Variants in ZBTB11 observed in about 807,000 individuals in gnomAD.
ZBTB11 encodes zinc finger and BTB domain-containing protein 11.
Under a neutral mutation model 113.1 loss-of-function variants are expected in ZBTB11, and 68 were observed. The observed-to-expected ratio is 0.60, with a 90% CI of 0.49 to 0.74. The LOEUF (loss-of-function observed/expected upper bound fraction) is 0.74, where lower values mean the gene tolerates loss of function less well. Ranked by LOEUF, ZBTB11 falls within the 30% of genes least tolerant of loss-of-function variation. The pLI, the probability that ZBTB11 is intolerant of heterozygous loss-of-function variation, is 0.00. For missense variants in ZBTB11, 1,104 were observed against 1,279.4 expected, an observed-to-expected ratio of 0.86 and a Z score of 2.09; for synonymous variants, 518 against 452.6, an observed-to-expected ratio of 1.14 and a Z score of -1.83.
chr3:101,654,801 A>G lies in ZBTB11; in HGVS notation c.2212T>C (p.Ser738Pro). ...CTATGAAAAGACTTTCCACAAACTG[A>G]GCAAAGGTACTTGGACTCTCCTATT... ...IHTGESKYLC[S>P]VCGKSFHRGS... Residue 738 changes from serine (S) to proline (P), a missense_variant, in exon 8 of 11, where the codon TCA becomes CCA. By Grantham distance (74) the Ser-to-Pro change is moderately conservative. Coordinates refer to ENST00000312938, the MANE Select transcript of ZBTB11 (RefSeq NM_014415.4). 6.2e-7 allele frequency: 1 copy of G among 1,614,136 alleles called. No individual in the cohort carries two copies. The highest frequency in any genetic ancestry group is 8.5e-7 in the Non-Finnish European group (1 of 1,180,008).
At chr3:101,659,028 CAGG>C (rs377016353) in intron 6 of ZBTB11, among the ~76,000 whole-genome samples, 48 of 152,234 alleles carry the variant, frequency 3.2e-4, no homozygotes, top group African/African-American at 1.1e-3. Context: ...TACTTGAGCC[CAGG>C]AGTTTGAGGC....
chr3:101,674,372 CTT>C (rs368815296), intron 1 of ZBTB11, among the ~76,000 whole-genome samples: 303 of 152,042 alleles, frequency 2.0e-3, no homozygotes, highest in African/African-American at 7.1e-3. Flanking sequence ...TTAAATATAA[CTT>C]TATCAAAAAA....
rs765688470 is a variant in ZBTB11, at chr3:101,665,263, A to T, written c.1324T>A (p.Ser442Thr). 1 of 1,614,172 alleles carries T rather than the reference A, an allele frequency of 6.2e-7. No homozygotes were observed. Among genetic ancestry groups the T allele is most frequent in the Non-Finnish European group, 8.5e-7 (1 of 1,180,034 alleles). ...GAGCTACTAATTACATTCTCTTTTG[A>T]AAGTTTAGGGTGTATATTAGAAACT... is the stretch of plus-strand genomic sequence containing the variant. The part of the protein sequence containing the change: ...NTVSNIHPKL[S>T]KENVISSSPE... The change falls in exon 4 of 11, where the codon TCA becomes ACA. Residue 442 changes from serine to threonine, a missense_variant. By Grantham distance (58) the Ser-to-Thr change is moderately conservative (BLOSUM62 1). Transcript: ENST00000312938.
At chr3:101,659,221 A>AT (rs1936847536) in intron 6 of ZBTB11, among the ~76,000 whole-genome samples, 1 of 152,178 alleles carries the variant, frequency 6.6e-6, no homozygotes, top group South Asian at 2.1e-4. Flanking sequence ...AGCCTGAGAG[A>AT]TAGAACAAGA....
chr3:101,670,419 T>C (rs1328395229), intron 3 of ZBTB11, among the ~76,000 whole-genome samples: 1 of 152,230 alleles, frequency 6.6e-6, no homozygotes, highest in Non-Finnish European at 1.5e-5. Flanking sequence ...ATATAAATTC[T>C]AGTGAAGCCA....
At chr3:101,673,742 T>C (rs1379229197) in intron 1 of ZBTB11, among the ~76,000 whole-genome samples, 2 of 152,212 alleles carry the variant, frequency 1.3e-5, no homozygotes, top group Admixed American at 6.5e-5. Context: ...CTCAAACTCC[T>C]GACCTCAAGT....
chr3:101,662,080 T>A (rs1471444724), intron 5 of ZBTB11: 1 of 151,942 alleles, frequency 6.6e-6, no homozygotes, highest in Non-Finnish European at 1.5e-5. Flanking sequence ...TCAAGTGCAG[T>A]AGTGAGAAGG....
intron 5 of ZBTB11, among the ~76,000 whole-genome samples, chr3:101,663,318 T>C (rs1936925375): frequency 6.6e-6 from 1 of 152,170 alleles, no homozygotes; most frequent in African/African-American, 2.4e-5. Context: ...GCAATCTGCC[T>C]GCCTTGGCAT....
chr3:101,667,208 T>C (rs913051862), intron 3 of ZBTB11, among the ~76,000 whole-genome samples: 4 of 152,152 alleles, frequency 2.6e-5, no homozygotes, highest in Non-Finnish European at 5.9e-5. Context: ...CACCTGGTTA[T>C]TTTTATATTT....
At chr3:101,674,682 G>A (rs951396164) in intron 1 of ZBTB11, among the ~76,000 whole-genome samples, 2 of 151,148 alleles carry the variant, frequency 1.3e-5, no homozygotes, top group South Asian at 2.1e-4. Context: ...CTGGGCAACA[G>A]AGTGACTCTG....
chr3:101,658,227 A>ATTT (rs200382292), intron 6 of ZBTB11, among the ~76,000 whole-genome samples: 1 of 143,402 alleles, frequency 7.0e-6, no homozygotes. Flanking sequence ...TTAAAAATTA[A>ATTT]TTTTTTTTTT....
intron 1 of ZBTB11, among the ~76,000 whole-genome samples, chr3:101,673,777 A>C (rs1231322640): frequency 1.3e-5 from 2 of 152,196 alleles, no homozygotes; most frequent in African/African-American, 4.8e-5. Context: ...GGCCTCCCAA[A>C]GTGCTGGGAT....
At chr3:101,666,130 GGA>G (rs1936992373) in intron 3 of ZBTB11, among the ~76,000 whole-genome samples, 1 of 152,068 alleles carries the variant, frequency 6.6e-6, no homozygotes, top group African/African-American at 2.4e-5. Flanking sequence ...GCTGGAGGAT[GGA>G]GGGTTAAAAA....
In ZBTB11 at chr3:101,659,789, T is replaced by C. The variant is rs371767216; in HGVS notation, c.2040A>G (p.Ala680=). The change falls in exon 6 of 11, where the codon GCA becomes GCG. Residue 680 remains alanine, a synonymous_variant. Coordinates refer to ENST00000312938, the MANE Select transcript of ZBTB11 (RefSeq NM_014415.4). ...MLKHTGVKPH[A]CQVCGKTFIY... ...ATAAACGTTATAGCTTTACCTGGCA[T>C]GCATGTGGCTTTACACCTGTGTGCT... 3.3e-5 allele frequency: 53 copies of C among 1,613,900 alleles called. No homozygotes were observed. Among genetic ancestry groups the C allele is most frequent in the Non-Finnish European group, 4.2e-5 (50 of 1,179,852 alleles).
chr3:101,676,907 C>T lies in ZBTB11; in HGVS notation c.8G>A (p.Ser3Asn), dbSNP rs755383963. The T allele has an allele frequency of 1.8e-5, 28 of 1,568,082 alleles. No homozygotes were observed. Among genetic ancestry groups the T allele is most frequent in the Non-Finnish European group, 2.4e-5 (28 of 1,152,408 alleles). The change falls in exon 1 of 11, where the codon AGC becomes AAC. Residue 3 changes from serine to asparagine, a missense_variant. This residue lies in a region of ZBTB11 where 245 missense variants were observed against 272.5 expected (regional missense o/e 0.90). Transcript: ENST00000312938. ...CAGGATGGCCCGGTAGCTTTCCTCG[C>T]TTGACATCGCGGACCGCGGCTCCCT... MS[S>N]EESYRAILRY...
At position 101,677,122 on chromosome 3, in the gene ZBTB11, C is replaced by G; in HGVS notation, c.-208G>C. On this transcript the variant is annotated 5_prime_UTR_variant, in exon 1 of 11. Coordinates refer to ENST00000312938, the MANE Select transcript of ZBTB11 (RefSeq NM_014415.4). ...CTGCACTTCTCCAGCGCGCGGGATC[C>G]GCTGGCGACTGACAAAATGGCTGCT... 1.8e-6 allele frequency: 1 copy of G among 554,798 alleles called. No individual in the cohort carries two copies. The highest frequency in any genetic ancestry group is 3.0e-6 in the Non-Finnish European group (1 of 328,692). 34.4% of individuals were successfully genotyped at this position (554,798 alleles called of 1,614,324 possible). A position where few individuals can be genotyped will look rare whatever the true frequency, so the allele number is the denominator to read the frequency against.
At chr3:101,671,098 A>G (rs771856206) in intron 3 of ZBTB11, 32 bp downstream of exon 3, 1 of 1,574,906 alleles carries the variant, frequency 6.3e-7, no homozygotes, top group African/African-American at 1.4e-5. Context: ...TGTCATTACA[A>G]ACAAAAAGCA....
At position 101,676,485 on chromosome 3, in the gene ZBTB11, G is replaced by A. The variant is rs1013826307; in HGVS notation, c.310+120C>T. 52 of 1,065,354 alleles carry A rather than the reference G, an allele frequency of 4.9e-5. No homozygotes were observed. In the East Asian group the frequency reaches 1.5e-3, roughly 31 times the overall value. 66.0% of individuals were successfully genotyped at this position (1,065,354 alleles called of 1,614,324 possible). A position where few individuals can be genotyped will look rare whatever the true frequency, so the allele number is the denominator to read the frequency against. Reference sequence around the variant, plus strand: ...ACCCTCTCGGCTCCGCCTGGCAGCAGCTCCGCCGCCCAGAGGCGTCCGAGA... The same window carrying A: ...ACCCTCTCGGCTCCGCCTGGCAGCAACTCCGCCGCCCAGAGGCGTCCGAGA... On this transcript the variant is annotated intron_variant, in intron 1 of 10. Transcript: ENST00000312938.
chr3:101,661,384 G>A lies in ZBTB11; in HGVS notation c.1801-1356C>T, dbSNP rs1246022458. 5.9e-5 allele frequency among the ~76,000 whole-genome samples: 9 copies of A among 152,080 alleles called. 1 individual carries two copies. Among genetic ancestry groups the A allele is most frequent in the African/African-American group, 7.2e-5 (3 of 41,408 alleles). On this transcript the variant is annotated intron_variant, in intron 5 of 10. Coordinates refer to ENST00000312938, the MANE Select transcript of ZBTB11 (RefSeq NM_014415.4). Reference sequence around the variant, plus strand: ...GGATGCCATGTTTTGTATTTAACACGTCTTGCTCATTTTAGTGAAACATGT... The same window carrying A: ...GGATGCCATGTTTTGTATTTAACACATCTTGCTCATTTTAGTGAAACATGT...
Sources: gnomAD v4.1 joint callset for allele counts (sites outside exome capture counted in the v4.1 genomes callset) on GRCh38, gnomAD v4.1.1 for gene constraint, gnomAD v4.1.1 regional missense constraint, MANE v1.5 for transcripts, NCBI Gene and HGNC (gene_info 2026-07-23, HGNC 2026-07-21) for gene names.